ASTN1: variants seen among roughly 807,000 people sequenced by gnomAD.
ASTN1 encodes the protein astrotactin-1.
ASTN1 carries 41 observed loss-of-function variants against 140.7 expected under a neutral mutation model. The observed-to-expected ratio is 0.29, with a 90% CI of 0.23 to 0.38. ASTN1 has a LOEUF of 0.38. ASTN1 is among the 10% of genes least tolerant of loss of function. ASTN1 has a pLI of 1.00. For missense variants in ASTN1, 1,479 were observed against 1,678.8 expected (o/e 0.88, Z 2.08); for synonymous variants, 640 against 652.2 (o/e 0.98, Z 0.29).
chr1:176,987,132 A>G (rs1464169892), intron 8 of ASTN1, among the ~76,000 whole-genome samples: 6 of 152,138 alleles, frequency 3.9e-5, no homozygotes, highest in African/African-American at 1.2e-4. Context: ...ACAACAAGCA[A>G]TTACCAACCC....
At chr1:176,946,277 T>C (rs770556789) in intron 12 of ASTN1, among the ~76,000 whole-genome samples, 157 bp from the exon 13 acceptor site, 2 of 152,230 alleles carry the variant, frequency 1.3e-5, no homozygotes, top group Non-Finnish European at 2.9e-5. Flanking sequence ...TGACTCATTG[T>C]TTTTTTAAGC....
intron 1 of ASTN1, among the ~76,000 whole-genome samples, chr1:177,077,298 T>C (rs1473789582): frequency 1.3e-5 from 2 of 152,036 alleles, no homozygotes; most frequent in Non-Finnish European, 2.9e-5. Context: ...TGCAGTCACA[T>C]TTTTCAGGGA....
intron 1 of ASTN1, among the ~76,000 whole-genome samples, chr1:177,088,504 C>T (rs987056788): frequency 2.0e-5 from 3 of 152,172 alleles, no homozygotes; most frequent in Non-Finnish European, 2.9e-5. Context: ...GCGTCATCCT[C>T]AGTAACAACA....
intron 16 of ASTN1, among the ~76,000 whole-genome samples, chr1:176,898,402 A>C (rs747115967): frequency 2.0e-4 from 31 of 152,348 alleles, no homozygotes; most frequent in Non-Finnish European, 2.2e-4. Context: ...AGCTCCCAAA[A>C]GCTATCTATT....
At chr1:176,969,003 G>GC (rs2101857337) in intron 8 of ASTN1, among the ~76,000 whole-genome samples, 1 of 152,206 alleles carries the variant, frequency 6.6e-6, no homozygotes, top group South Asian at 2.1e-4. Flanking sequence ...GCCATAGATG[G>GC]CCATACAGGA....
Position 176,944,035 on chromosome 1 carries a change from C to A in ASTN1, c.2250-17G>T, listed in dbSNP as rs767420291. On this transcript the variant is annotated splice_polypyrimidine_tract_variant and intron_variant, in intron 13 of 22. Coordinates refer to ENST00000361833, the MANE Select transcript of ASTN1 (RefSeq NM_004319.3). ...TTGTTTTGCCTAGAAAGAGGGTAGACCTTCATTTCTGAGTGTTCAGGTGAA... is the reference window on the plus strand; with the variant it reads ...TTGTTTTGCCTAGAAAGAGGGTAGAACTTCATTTCTGAGTGTTCAGGTGAA... The A allele has an allele frequency of 6.8e-6, 11 of 1,612,564 alleles. No homozygotes were observed. The South Asian group carries it at 1.2e-4, about 18-fold the overall frequency.
intron 16 of ASTN1, among the ~76,000 whole-genome samples, chr1:176,927,849 A>T (rs1671035861): frequency 6.6e-6 from 1 of 152,172 alleles, no homozygotes; most frequent in South Asian, 2.1e-4. Flanking sequence ...TATTCTTTTC[A>T]ATCTTTTAAA....
intron 2 of ASTN1, among the ~76,000 whole-genome samples, chr1:177,042,336 G>T (rs185542810): frequency 4.1e-4 from 63 of 152,268 alleles, no homozygotes; most frequent in African/African-American, 1.3e-3. Context: ...TTTACAGTGG[G>T]ATTTCCAGCA....
intron 21 of ASTN1, among the ~76,000 whole-genome samples, chr1:176,869,966 T>C (rs1319305674): frequency 6.6e-6 from 1 of 152,044 alleles, no homozygotes; most frequent in Non-Finnish European, 1.5e-5. Flanking sequence ...GACCCAGAAA[T>C]GGAATCTAGT....
intron 1 of ASTN1, among the ~76,000 whole-genome samples, chr1:177,139,778 G>C (rs144852491): frequency 4.6e-5 from 7 of 152,142 alleles, no homozygotes; most frequent in African/African-American, 1.7e-4. Context: ...TTTTCTTCCA[G>C]GGGCCCCACA....
Position 176,990,958 on chromosome 1 carries a change from A to T in ASTN1, c.1523+23833T>A, listed in dbSNP as rs563060886. On this transcript the variant is annotated intron_variant, in intron 8 of 22. Coordinates refer to ENST00000361833, the MANE Select transcript of ASTN1 (RefSeq NM_004319.3). Reference sequence around the variant, plus strand: ...GATGATGGCCACATCTCATTTAAGTATGTTTAATCCAAATTATACATTGCA... The same window carrying T: ...GATGATGGCCACATCTCATTTAAGTTTGTTTAATCCAAATTATACATTGCA... 8.5e-5 allele frequency among the ~76,000 whole-genome samples: 13 copies of T among 152,324 alleles called. No individual in the cohort carries two copies. The South Asian group carries it at 2.7e-3, about 32-fold the overall frequency.
At chr1:177,013,659 G>T (rs1347771616) in intron 8 of ASTN1, among the ~76,000 whole-genome samples, 1 of 152,120 alleles carries the variant, frequency 6.6e-6, no homozygotes, top group Non-Finnish European at 1.5e-5. Context: ...AATGACATTG[G>T]TTTCTTTTTT....
intron 1 of ASTN1, among the ~76,000 whole-genome samples, chr1:177,153,891 A>C (rs1175874110): frequency 1.3e-5 from 2 of 152,166 alleles, no homozygotes; most frequent in East Asian, 3.9e-4. Flanking sequence ...CTTTACACTC[A>C]GTGGATTGAC....
chr1:177,142,581 T>G (rs1442354866), intron 1 of ASTN1, among the ~76,000 whole-genome samples: 1 of 152,110 alleles, frequency 6.6e-6, no homozygotes, highest in Non-Finnish European at 1.5e-5. Context: ...AAATGGTTCT[T>G]TATACATCAC....
At position 176,863,537 on chromosome 1, in the gene ASTN1, C is replaced by G; in HGVS notation, c.*747G>C. The stretch of plus-strand genomic sequence containing the variant: ...TAGACTTTTCTGAAGGTGCAGTTGA[C>G]AGATGGCATCTTGTTCCCTCTCAAA... On this transcript the variant is annotated 3_prime_UTR_variant, in exon 23 of 23. Transcript: ENST00000361833. The G allele has an allele frequency of 1.0e-6, 1 of 985,414 alleles. No homozygotes were observed. The highest frequency in any genetic ancestry group is 1.2e-6 in the Non-Finnish European group (1 of 829,916). 61.0% of individuals were successfully genotyped at this position (985,414 alleles called of 1,614,324 possible). A position where few individuals can be genotyped will look rare whatever the true frequency, so the allele number is the denominator to read the frequency against.
chr1:176,950,816 C>A (rs1189770671), intron 11 of ASTN1, among the ~76,000 whole-genome samples: 1 of 152,036 alleles, frequency 6.6e-6, no homozygotes, highest in Non-Finnish European at 1.5e-5. Context: ...TTAACACACT[C>A]CTCCAAAACC....
chr1:177,145,151 G>C (rs1682665718), intron 1 of ASTN1, among the ~76,000 whole-genome samples: 1 of 152,160 alleles, frequency 6.6e-6, no homozygotes, highest in African/African-American at 2.4e-5. Context: ...TCAACTTTCA[G>C]CTCCGTTCCT....
chr1:176,862,074 GA>G lies in ASTN1; in HGVS notation c.*2209del. 2.0e-6 allele frequency: 2 copies of G among 985,442 alleles called. No individual in the cohort carries two copies. Among genetic ancestry groups the G allele is most frequent in the African/African-American group, 3.5e-5 (2 of 57,366 alleles). 61.0% of individuals were successfully genotyped at this position (985,442 alleles called of 1,614,324 possible). On this transcript the variant is annotated 3_prime_UTR_variant, in exon 23 of 23. Coordinates refer to ENST00000361833, the MANE Select transcript of ASTN1 (RefSeq NM_004319.3). ...AGGATGGCAAAACAGTAGCAGCAAA[GA>G]GATGCTCTGGGCCCTGTCTGATTGG...
chr1:177,054,717 G>A (rs1677713422), intron 2 of ASTN1, among the ~76,000 whole-genome samples: 1 of 152,226 alleles, frequency 6.6e-6, no homozygotes, highest in Non-Finnish European at 1.5e-5. Context: ...TGGAAACACT[G>A]TGAAGCTGTG....
Sources: allele counts gnomAD v4.1 joint callset (sites outside exome capture counted in the v4.1 genomes callset), GRCh38; gene constraint gnomAD v4.1.1; transcripts MANE v1.5; gene names NCBI Gene and HGNC (gene_info 2026-07-23, HGNC 2026-07-21).